The following GFPT2 variants were observed in gnomAD, a reference collection of about 807,000 sequenced individuals.
GFPT2 encodes the protein glutamine--fructose-6-phosphate aminotransferase [isomerizing] 2.
A neutral mutation model predicts 85.6 loss-of-function variants in GFPT2; 62 were observed. That is an observed-to-expected ratio of 0.72 (90% CI 0.59 to 0.90). GFPT2 has a LOEUF of 0.90. Among genes scored for constraint, GFPT2 ranks in the 40% least tolerant of loss-of-function variants. The pLI, the probability that GFPT2 is intolerant of heterozygous loss-of-function variation, is 0.00. For synonymous variants in GFPT2, 368 were observed against 344.5 expected (o/e 1.07, Z -0.75); for missense variants, 788 against 893.4 (o/e 0.88, Z 1.50).
In GFPT2 at chr5:180,338,570, G is replaced by A; in HGVS notation, c.38C>T (p.Pro13Leu). The A allele has an allele frequency of 1.9e-6, 3 of 1,610,552 alleles. No individual in the cohort carries two copies. The highest frequency in any genetic ancestry group is 2.5e-6 in the Non-Finnish European group (3 of 1,176,766). The change falls in exon 2 of 19, where the codon CCC becomes CTC. Residue 13 changes from proline to leucine, a missense_variant. Transcript: ENST00000253778. ...TTCGAAGATCTCCTTCCTCGTCCGGGGGACTCTGTAGTTCATGTAGGCAAA... is the reference window on the plus strand; with the variant it reads ...TTCGAAGATCTCCTTCCTCGTCCGGAGGACTCTGTAGTTCATGTAGGCAAA... Reference protein sequence around the residue: ...GIFAYMNYRVPRTRKEIFETL... With the variant: ...GIFAYMNYRVLRTRKEIFETL...
At position 180,353,201 on chromosome 5, in the gene GFPT2, C is replaced by G. The variant is rs1443679607; in HGVS notation, c.7+10G>C. Reference sequence around the variant, plus strand: ...GTGGAGGAGGCGGCTCGGGCGGGCGCGGCACTCACCGCACATCGTGGCTGC... The same window carrying G: ...GTGGAGGAGGCGGCTCGGGCGGGCGGGGCACTCACCGCACATCGTGGCTGC... On this transcript the variant is annotated intron_variant, in intron 1 of 18. Coordinates refer to ENST00000253778, the MANE Select transcript of GFPT2 (RefSeq NM_005110.4). 1.5e-5 allele frequency: 18 copies of G among 1,236,884 alleles called. No homozygotes were observed. The highest frequency in any genetic ancestry group is 4.7e-5 in the African/African-American group (3 of 64,336). The allele number at this position is 1,236,884 out of a possible 1,614,324, so 76.6% of individuals were successfully genotyped here.
intron 9 of GFPT2, among the ~76,000 whole-genome samples, chr5:180,322,984 G>A (rs140789983): frequency 0.056 from 8,436 of 151,156 alleles, 384 homozygotes; most frequent in South Asian, 0.13. Flanking sequence ...GCAGTGAGCC[G>A]AGATCACACC....
intron 4 of GFPT2, among the ~76,000 whole-genome samples, chr5:180,331,935 C>T (rs760710881): frequency 3.3e-4 from 50 of 152,200 alleles, no homozygotes; most frequent in Non-Finnish European, 2.8e-4. Context: ...ATTCCAGGCA[C>T]TCTCAACTGG....
intron 13 of GFPT2, 37 bp from the exon 14 acceptor site, chr5:180,314,001 C>G (rs750371085): frequency 6.5e-7 from 1 of 1,549,700 alleles, no homozygotes; most frequent in Non-Finnish European, 8.7e-7. Flanking sequence ...CGCGCTCCGC[C>G]AGCCTCGGCC....
At chr5:180,352,881 G>C (rs1297645800) in intron 1 of GFPT2, 1 of 445,750 alleles carries the variant, frequency 2.2e-6, no homozygotes, top group African/African-American at 2.1e-5. Context: ...GGTCGGCATG[G>C]GGTGGGGACC....
intron 14 of GFPT2, 80 bp from the exon 15 acceptor site, chr5:180,312,624 T>G: frequency 1.3e-6 from 1 of 767,968 alleles, no homozygotes; most frequent in South Asian, 1.5e-5. Flanking sequence ...GGGTCTACTC[T>G]GTTGCTCACG....
intron 15 of GFPT2, among the ~76,000 whole-genome samples, chr5:180,309,456 T>C (rs1435639569): frequency 9.9e-6 from 1 of 100,510 alleles, no homozygotes; most frequent in Non-Finnish European, 2.3e-5. Context: ...GTTTTGCTCT[T>C]GTTGCCCAGA....
At chr5:180,304,480 G>A (rs1763738818) in intron 17 of GFPT2, among the ~76,000 whole-genome samples, 2 of 152,184 alleles carry the variant, frequency 1.3e-5, no homozygotes, top group Admixed American at 6.5e-5. Flanking sequence ...GGGAAACCCT[G>A]CCCCAGGGAT....
intron 1 of GFPT2, among the ~76,000 whole-genome samples, chr5:180,343,087 A>G (rs1764549735): frequency 6.6e-6 from 1 of 152,194 alleles, no homozygotes; most frequent in South Asian, 2.1e-4. Flanking sequence ...GGAATGTTCT[A>G]GAATTATACT....
rs1417782462 is a variant in GFPT2 at position 180,307,162 on chromosome 5, G to A, written c.1674+14C>T. On this transcript the variant is annotated intron_variant, in intron 16 of 18. Transcript: ENST00000253778. ...TGTCCTCCGTGGGGGTGGGGGCTGG[G>A]GGTGGGGGCTCACCAGGGCTCCTTC... The A allele has an allele frequency of 2.8e-6, 4 of 1,436,414 alleles. No homozygotes were observed. The highest frequency in any genetic ancestry group is 2.3e-4 in the Middle Eastern group (1 of 4,260). 89.0% of individuals were successfully genotyped at this position (1,436,414 alleles called of 1,614,324 possible).
In GFPT2 at chr5:180,327,839, C is replaced by T. The variant is rs571251014; in HGVS notation, c.596+438G>A. On this transcript the variant is annotated intron_variant, in intron 7 of 18. Transcript: ENST00000253778. ...CTCCTTTGTGAAGGTGAAGCTTGAG[C>T]CCCGGGCCTTCAAGGCCTCTGCTGT... Among the ~76,000 whole-genome samples the T allele has an allele frequency of 1.1e-4, 17 of 152,296 alleles. No homozygotes were observed. In the South Asian group the frequency reaches 3.1e-3, roughly 28 times the overall value.
chr5:180,305,716 C>T (rs962015761), intron 16 of GFPT2, among the ~76,000 whole-genome samples: 14 of 152,234 alleles, frequency 9.2e-5, no homozygotes, highest in African/African-American at 1.9e-4. Flanking sequence ...CCCGCCAGCA[C>T]GTTCAGCCAC....
At position 180,330,796 on chromosome 5, in the gene GFPT2, T is replaced by C; in HGVS notation, c.438A>G (p.Thr146=). 6.2e-7 allele frequency: 1 copy of C among 1,613,402 alleles called. No individual in the cohort carries two copies. Among genetic ancestry groups the C allele is most frequent in the Non-Finnish European group, 8.5e-7 (1 of 1,179,280 alleles). Residue 146 remains threonine, a synonymous_variant, in exon 6 of 19, where the codon ACA becomes ACG. Transcript: ENST00000253778. The surrounding 1 kb of genome is among the most constrained non-coding windows in gnomAD (Gnocchi z 4.4). The part of the protein sequence containing the change: ...KGYEFESETD[T]ETIAKLIKYV... ...ATTTAATCAGCTTGGCGATGGTCTC[T>C]GTATCTGTTTCTGACTCAAACTCGT...
At chr5:180,336,013 G>A in intron 3 of GFPT2, 60 bp from the exon 4 acceptor site, 1 of 1,487,564 alleles carries the variant, frequency 6.7e-7, no homozygotes, top group Middle Eastern at 1.8e-4. Context: ...CCAGGACTGT[G>A]AGTGCAACCT....
At chr5:180,336,751 C>G (rs1034580372) in intron 2 of GFPT2, among the ~76,000 whole-genome samples, 174 bp from the exon 3 acceptor site, 1 of 152,212 alleles carries the variant, frequency 6.6e-6, no homozygotes, top group African/African-American at 2.4e-5. Context: ...TGCGGCCAGG[C>G]TTAACAGCAA....
intron 9 of GFPT2, among the ~76,000 whole-genome samples, chr5:180,322,812 G>A (rs564664245): frequency 7.0e-4 from 107 of 152,150 alleles, no homozygotes; most frequent in African/African-American, 2.3e-3. Flanking sequence ...TGAGGAGGGC[G>A]GATCATGAGG....
At position 180,301,324 on chromosome 5, in the gene GFPT2, T is replaced by C. The variant is rs1202870378; in HGVS notation, c.*240A>G. 4.3e-5 allele frequency: 25 copies of C among 585,134 alleles called. No homozygotes were observed. The highest frequency in any genetic ancestry group is 4.5e-4 in the Middle Eastern group (1 of 2,202). The allele number at this position is 585,134 out of a possible 1,614,324, so 36.2% of individuals were successfully genotyped here. A position where few individuals can be genotyped will look rare whatever the true frequency, so the allele number is the denominator to read the frequency against. On this transcript the variant is annotated 3_prime_UTR_variant, in exon 19 of 19. Transcript: ENST00000253778. ...TCTATTGCACAGTAGTGGAGAAGTC[T>C]GCTCTGATCCCCATGTGTAAACAAT...
chr5:180,345,820 T>C (rs1764596270), intron 1 of GFPT2, among the ~76,000 whole-genome samples: 1 of 152,144 alleles, frequency 6.6e-6, no homozygotes, highest in African/African-American at 2.4e-5. Flanking sequence ...CAGCCAAGCA[T>C]AAGCAGCTCC....
chr5:180,346,653 C>T (rs990825528), intron 1 of GFPT2, among the ~76,000 whole-genome samples: 5 of 152,224 alleles, frequency 3.3e-5, no homozygotes, highest in African/African-American at 1.2e-4. Flanking sequence ...AGGGTGCCCT[C>T]AGCCCAGTGC....
Sources: allele counts gnomAD v4.1 joint callset (sites outside exome capture counted in the v4.1 genomes callset), GRCh38; gene constraint gnomAD v4.1.1; non-coding constraint Gnocchi (gnomAD v3.1); transcripts MANE v1.5; gene names NCBI Gene and HGNC (gene_info 2026-07-23, HGNC 2026-07-21).